FOXP1: variants seen among roughly 807,000 people sequenced by gnomAD.
The protein encoded by FOXP1 is forkhead box P1, also known as forkhead box protein P1.
A neutral mutation model predicts 98.2 loss-of-function variants in FOXP1; 15 were observed. That is an observed-to-expected ratio of 0.15 (90% CI 0.10 to 0.24). The LOEUF (loss-of-function observed/expected upper bound fraction) is 0.24. FOXP1 is among the 10% of genes least tolerant of loss of function. The probability of loss-of-function intolerance (pLI) is 1.00; values close to 1 mark genes in which losing one functional copy is unlikely to be tolerated. For synonymous variants in FOXP1, 371 were observed against 314.5 expected (o/e 1.18, Z -1.90); for missense variants, 633 against 848.5 (o/e 0.75, Z 3.15).
chr3:71,385,133 A>G (rs2108079069), intron 3 of FOXP1, among the ~76,000 whole-genome samples: 1 of 152,296 alleles, frequency 6.6e-6, no homozygotes, highest in East Asian at 1.9e-4. Flanking sequence ...TCCTAACTGC[A>G]ATCCTTCATT....
intron 7 of FOXP1, among the ~76,000 whole-genome samples, chr3:71,108,690 G>C (rs2057652966): frequency 2.0e-5 from 3 of 152,134 alleles, no homozygotes. Flanking sequence ...GCTTGAACCT[G>C]GAAGACGGAG....
At chr3:71,119,909 A>T (rs1190818792) in intron 6 of FOXP1, among the ~76,000 whole-genome samples, 1 of 152,260 alleles carries the variant, frequency 6.6e-6, no homozygotes, top group Non-Finnish European at 1.5e-5. Context: ...TTAAAATTTT[A>T]TTTTACAAAT....
At chr3:71,248,592 T>C (rs1028051046) in intron 5 of FOXP1, among the ~76,000 whole-genome samples, 2 of 151,932 alleles carry the variant, frequency 1.3e-5, no homozygotes, top group Non-Finnish European at 2.9e-5. Context: ...AATACAAAAA[T>C]TAGCCAGGCA....
At chr3:71,405,706 C>A (rs2082268182) in intron 3 of FOXP1, among the ~76,000 whole-genome samples, 1 of 152,016 alleles carries the variant, frequency 6.6e-6, no homozygotes, top group African/African-American at 2.4e-5. Context: ...GATCGAGGGT[C>A]CAGGCAACAG....
Position 71,120,070 on chromosome 3 carries a change from C to T in FOXP1, c.181-7433G>A, listed in dbSNP as rs1245561158. ...ACACAAGAGAAGAAAGAAAGCACTG[C>T]AGTAAATCATTGAGTCAGGTTATTG... On this transcript the variant is annotated intron_variant, in intron 6 of 20. Coordinates refer to ENST00000649528, the MANE Select transcript of FOXP1 (RefSeq NM_001349338.3). 2.0e-5 allele frequency among the ~76,000 whole-genome samples: 3 copies of T among 152,164 alleles called. No homozygotes were observed. In the East Asian group the frequency reaches 5.8e-4, roughly 29 times the overall value.
intron 4 of FOXP1, among the ~76,000 whole-genome samples, chr3:71,344,960 C>T (rs920276476): frequency 6.6e-6 from 1 of 152,146 alleles, no homozygotes; most frequent in South Asian, 2.1e-4. Flanking sequence ...TTAACAAATA[C>T]AGAACTAGAC....
intron 20 of FOXP1, 71 bp downstream of exon 20, chr3:70,965,819 G>A (rs1410553537): frequency 7.0e-7 from 1 of 1,427,886 alleles, no homozygotes; most frequent in African/African-American, 1.4e-5. Flanking sequence ...CAGAGAAAGG[G>A]CTGTCTCCCT....
chr3:70,976,836 A>G (rs2037669294), intron 17 of FOXP1, 105 bp downstream of exon 17: 2 of 823,862 alleles, frequency 2.4e-6, no homozygotes, highest in Admixed American at 1.9e-5. Context: ...AAGAGTATCA[A>G]AACAATATAA....
rs1441518520 is a variant in FOXP1, at chr3:71,010,270, A to G, written c.974+5279T>C. Among the ~76,000 whole-genome samples, 4 of 152,138 alleles carry G rather than the reference A, an allele frequency of 2.6e-5. No homozygotes were observed. The East Asian group carries it at 7.7e-4, about 29-fold the overall frequency. On this transcript the variant is annotated intron_variant, in intron 12 of 20. Transcript: ENST00000649528. The stretch of plus-strand genomic sequence containing the variant: ...GAAGTGCTGCCTCTAACCAGGCTGT[A>G]TAATGCAGCAGTTAAGAATAAGTCT...
At chr3:71,125,288 G>A (rs1374844) in intron 6 of FOXP1, among the ~76,000 whole-genome samples, 141,865 of 152,270 alleles carry the variant, frequency 0.93, 66,717 homozygotes, top group Middle Eastern at 1. Flanking sequence ...TCAAGGTCAC[G>A]CAGCCTGGAT....
chr3:70,993,108 A>C (rs1394645525), intron 13 of FOXP1, among the ~76,000 whole-genome samples: 1 of 152,230 alleles, frequency 6.6e-6, no homozygotes, highest in African/African-American at 2.4e-5. Context: ...ATGGTACAGT[A>C]ATCACATGTA....
chr3:71,517,205 T>A (rs74626082), intron 2 of FOXP1, among the ~76,000 whole-genome samples: 1 of 147,856 alleles, frequency 6.8e-6, no homozygotes. Flanking sequence ...AAAAAAAAAA[T>A]ACATGTGGCT....
At chr3:71,520,270 C>A (rs747451982) in intron 2 of FOXP1, among the ~76,000 whole-genome samples, 5 of 152,196 alleles carry the variant, frequency 3.3e-5, no homozygotes, top group Non-Finnish European at 7.3e-5. Flanking sequence ...GATCATTTTA[C>A]ATTCCTTTTC....
chr3:71,049,264 A>C (rs781337915), intron 9 of FOXP1, among the ~76,000 whole-genome samples: 2 of 152,152 alleles, frequency 1.3e-5, no homozygotes, highest in Non-Finnish European at 2.9e-5. Context: ...ATAAACTGTC[A>C]TAACTGCCCG....
chr3:71,197,034 TCC>T (rs990989311), intron 6 of FOXP1, among the ~76,000 whole-genome samples: 59 of 152,308 alleles, frequency 3.9e-4, no homozygotes, highest in African/African-American at 1.4e-3. Flanking sequence ...CATTCCTTAT[TCC>T]TTAAAAAACT....
chr3:71,317,110 C>T (rs189723902), intron 4 of FOXP1, among the ~76,000 whole-genome samples: 7 of 152,344 alleles, frequency 4.6e-5, no homozygotes, highest in Admixed American at 2.6e-4. Flanking sequence ...ACAGCTCCTA[C>T]TTTCTACTCC....
At chr3:71,155,308 G>C (rs775979321) in intron 6 of FOXP1, among the ~76,000 whole-genome samples, 10 of 152,172 alleles carry the variant, frequency 6.6e-5, no homozygotes, top group Non-Finnish European at 1.2e-4. Flanking sequence ...TGCTGTCCAA[G>C]AGCAATATAA....
At chr3:71,486,897 C>A (rs1471823201) in intron 3 of FOXP1, among the ~76,000 whole-genome samples, 2 of 152,174 alleles carry the variant, frequency 1.3e-5, no homozygotes, top group South Asian at 2.1e-4. Context: ...ATGCCTTCCT[C>A]CCTGGTACAG....
At chr3:71,157,114 T>A (rs555557738) in intron 6 of FOXP1, among the ~76,000 whole-genome samples, 191 of 152,304 alleles carry the variant, frequency 1.3e-3, no homozygotes, top group African/African-American at 4.5e-3. Context: ...GTTAATTAAA[T>A]CAAGTGGCTT....
Sources: allele counts gnomAD v4.1 joint callset (sites outside exome capture counted in the v4.1 genomes callset), GRCh38; gene constraint gnomAD v4.1.1; transcripts MANE v1.5; gene names NCBI Gene and HGNC (gene_info 2026-07-23, HGNC 2026-07-21).